The following HS6ST3 variants were observed in gnomAD, a reference collection of about 807,000 sequenced individuals.
The protein encoded by HS6ST3 is heparan-sulfate 6-O-sulfotransferase 3.
In HS6ST3, 12 loss-of-function variants were observed where a neutral mutation model predicts 36.7. The ratio of observed to expected loss-of-function variants is 0.33; its 90% CI spans 0.21 to 0.53. The LOEUF is 0.53. HS6ST3 is among the 20% of genes least tolerant of loss of function. The pLI is 0.95. For missense variants in HS6ST3, 584 were observed against 640.9 expected, an observed-to-expected ratio of 0.91 and a Z score of 0.96; for synonymous variants, 240 against 257.5, an observed-to-expected ratio of 0.93 and a Z score of 0.65.
At chr13:96,321,237 A>T (rs2139414986) in intron 1 of HS6ST3, among the ~76,000 whole-genome samples, 1 of 152,186 alleles carries the variant, frequency 6.6e-6, no homozygotes, top group African/African-American at 2.4e-5. Flanking sequence ...AGACTAAGTC[A>T]CCTGTGATCC....
chr13:96,584,141 G>GT (rs2056352412), intron 1 of HS6ST3, among the ~76,000 whole-genome samples: 1 of 151,922 alleles, frequency 6.6e-6, no homozygotes, highest in South Asian at 2.1e-4. Context: ...CTTTTTGTTT[G>GT]TTTTTTGTTT....
At chr13:96,317,063 C>T (rs1016369433) in intron 1 of HS6ST3, among the ~76,000 whole-genome samples, 5 of 151,410 alleles carry the variant, frequency 3.3e-5, no homozygotes, top group Non-Finnish European at 7.4e-5. Flanking sequence ...TATACTGCAC[C>T]CAGGTAGTGA....
At chr13:96,410,501 T>C (rs1194829827) in intron 1 of HS6ST3, among the ~76,000 whole-genome samples, 1 of 152,068 alleles carries the variant, frequency 6.6e-6, no homozygotes, top group Admixed American at 6.5e-5. Context: ...GGTGAGAAAT[T>C]GTGAAAACAA....
intron 1 of HS6ST3, among the ~76,000 whole-genome samples, chr13:96,459,082 C>T (rs867223661): frequency 3.3e-5 from 3 of 91,184 alleles, no homozygotes; most frequent in Admixed American, 1.2e-4. Flanking sequence ...CCAGCCTGGG[C>T]GACAGAGCAA....
Position 96,091,005 on chromosome 13 carries a change from C to T in HS6ST3, c.143C>T (p.Pro48Leu). 7.7e-7 allele frequency: 1 copy of T among 1,294,798 alleles called. No individual in the cohort carries two copies. 80.2% of individuals were successfully genotyped at this position (1,294,798 alleles called of 1,614,324 possible). ...GEQPRAGEAGPPAVPGPARRA... is the reference protein window; with the variant it reads ...GEQPRAGEAGLPAVPGPARRA... ...CAGCCCCGCGCGGGGGAGGCCGGCC[C>T]GCCCGCCGTCCCGGGTCCCGCCCGC... Residue 48 changes from proline (P) to leucine (L), a missense_variant, in exon 1 of 2, where the codon CCG (proline) becomes CTG (leucine). Coordinates refer to ENST00000376705, the MANE Select transcript of HS6ST3 (RefSeq NM_153456.4).
At chr13:96,343,834 C>T (rs2055141355) in intron 1 of HS6ST3, among the ~76,000 whole-genome samples, 1 of 152,166 alleles carries the variant, frequency 6.6e-6, no homozygotes. Flanking sequence ...CCTCCGCCTC[C>T]TGGGTTCACG....
chr13:96,710,261 T>C (rs555473597), intron 1 of HS6ST3, among the ~76,000 whole-genome samples: 27 of 152,108 alleles, frequency 1.8e-4, no homozygotes, highest in African/African-American at 6.3e-4. Context: ...CATCTGAAAA[T>C]AAATTTAGAA....
intron 1 of HS6ST3, among the ~76,000 whole-genome samples, chr13:96,477,558 A>G (rs1055509193): frequency 1.3e-5 from 2 of 152,084 alleles, no homozygotes; most frequent in Non-Finnish European, 2.9e-5. Flanking sequence ...CAAGTCTCAT[A>G]TATACCCAAA....
chr13:96,162,447 C>T (rs926133521), intron 1 of HS6ST3, among the ~76,000 whole-genome samples: 6 of 152,114 alleles, frequency 3.9e-5, no homozygotes, highest in East Asian at 1.9e-4. Context: ...GTGGGCAAAG[C>T]GTTTATTTGT....
At chr13:96,286,839 T>C (rs2054805879) in intron 1 of HS6ST3, among the ~76,000 whole-genome samples, 1 of 152,060 alleles carries the variant, frequency 6.6e-6, no homozygotes, top group Non-Finnish European at 1.5e-5. Flanking sequence ...ACACTTACCC[T>C]TAATTATACC....
At chr13:96,756,808 A>G (rs1555322902) in intron 1 of HS6ST3, among the ~76,000 whole-genome samples, 2 of 152,198 alleles carry the variant, frequency 1.3e-5, no homozygotes, top group Non-Finnish European at 2.9e-5. Flanking sequence ...CTATCTGTCA[A>G]TCCAACTGAA....
intron 1 of HS6ST3, among the ~76,000 whole-genome samples, chr13:96,565,314 AT>A (rs2056277080): frequency 1.3e-5 from 2 of 152,052 alleles, no homozygotes; most frequent in Admixed American, 1.3e-4. Flanking sequence ...GGGGATACTA[AT>A]GAGGAGTGAT....
chr13:96,173,573 C>T (rs1305490911), intron 1 of HS6ST3, among the ~76,000 whole-genome samples: 1 of 146,256 alleles, frequency 6.8e-6, no homozygotes, highest in African/African-American at 2.5e-5. Flanking sequence ...CTCAAGCAAA[C>T]ATTGCCTAGT....
intron 1 of HS6ST3, among the ~76,000 whole-genome samples, chr13:96,288,836 A>G (rs998217036): frequency 2.0e-5 from 3 of 152,070 alleles, no homozygotes; most frequent in Non-Finnish European, 2.9e-5. Flanking sequence ...AAATAAAATC[A>G]TAGATATAAA....
At chr13:96,788,423 A>G (rs1877704886) in intron 1 of HS6ST3, among the ~76,000 whole-genome samples, 1 of 151,936 alleles carries the variant, frequency 6.6e-6, no homozygotes, top group Non-Finnish European at 1.5e-5. Context: ...ATATATTGAT[A>G]TATCATGGTC....
chr13:96,762,378 G>A (rs962733678), intron 1 of HS6ST3, among the ~76,000 whole-genome samples: 3 of 152,122 alleles, frequency 2.0e-5, no homozygotes, highest in African/African-American at 7.2e-5. Flanking sequence ...TACCTGGGAG[G>A]CTGAGGCAAG....
chr13:96,538,524 A>G (rs1436523015), intron 1 of HS6ST3, among the ~76,000 whole-genome samples: 1 of 152,160 alleles, frequency 6.6e-6, no homozygotes, highest in East Asian at 1.9e-4. Context: ...GCTCACTGCA[A>G]CCTCCGCCTC....
intron 1 of HS6ST3, among the ~76,000 whole-genome samples, chr13:96,422,579 G>T (rs2139469074): frequency 6.6e-6 from 1 of 152,250 alleles, no homozygotes; most frequent in Non-Finnish European, 1.5e-5. Context: ...GGATGAAGGA[G>T]CAATTGCCAC....
In HS6ST3 at chr13:96,730,528, CT is replaced by C. The variant is rs990052553; in HGVS notation, c.708-101955del. On this transcript the variant is annotated intron_variant, in intron 1 of 1. Coordinates refer to ENST00000376705, the MANE Select transcript of HS6ST3 (RefSeq NM_153456.4). ...CAAAAATCTTTTCGTGTGTGACACA[CT>C]TTTTTTGACAGATAAAAGTGTGTGT... 5.3e-5 allele frequency among the ~76,000 whole-genome samples: 8 copies of C among 152,110 alleles called. No homozygotes were observed. In the South Asian group the frequency reaches 1.0e-3, roughly 20 times the overall value.
Sources: allele counts gnomAD v4.1 joint callset (sites outside exome capture counted in the v4.1 genomes callset), GRCh38; gene constraint gnomAD v4.1.1; transcripts MANE v1.5; gene names NCBI Gene and HGNC (gene_info 2026-07-23, HGNC 2026-07-21).